The following ADGRL2 variants were observed in gnomAD, a reference collection of about 807,000 sequenced individuals.
ADGRL2 encodes the protein adhesion G protein-coupled receptor L2.
Under a neutral mutation model 157.4 loss-of-function variants are expected in ADGRL2, and 44 were observed. The observed-to-expected ratio is 0.28, with a 90% confidence interval of 0.22 to 0.36. The LOEUF (loss-of-function observed/expected upper bound fraction) is 0.36. Among genes scored for constraint, ADGRL2 ranks in the 10% least tolerant of loss-of-function variants. ADGRL2 has a pLI of 1.00. For synonymous variants in ADGRL2, 585 were observed against 624.7 expected, an observed-to-expected ratio of 0.94 and a Z score of 0.95; for missense variants, 1,510 against 1,768.9, an observed-to-expected ratio of 0.85 and a Z score of 2.63.
In ADGRL2 at chr1:81,809,924, T is replaced by G. The variant is rs189709582; in HGVS notation, c.-101+8856T>G. ...TGTGGACTGAGAAATGCTTGTACTA[T>G]CCACACTTTGCCTCCTTTTATAGGT... On this transcript the variant is annotated intron_variant, in intron 1 of 23. Coordinates refer to ENST00000686636, the MANE Select transcript of ADGRL2 (RefSeq NM_001366006.2). Among the ~76,000 whole-genome samples, 292 of 152,056 alleles carry G rather than the reference T, an allele frequency of 1.9e-3. 1 individual carries two copies. Among genetic ancestry groups the G allele is most frequent in the African/African-American group, 6.8e-3 (284 of 41,542 alleles).
chr1:81,461,777 G>T (rs2077933600), intron 2 of ADGRL2, among the ~76,000 whole-genome samples: 3 of 152,062 alleles, frequency 2.0e-5, no homozygotes, highest in Admixed American at 2.0e-4. Context: ...TGTAAAACAG[G>T]CCAAAAAGCA....
At chr1:81,428,545 C>G (rs997644748) in intron 1 of ADGRL2, among the ~76,000 whole-genome samples, 1 of 152,008 alleles carries the variant, frequency 6.6e-6, no homozygotes, top group East Asian at 1.9e-4. Context: ...AAACAAGGGT[C>G]AGATGGTTGA....
At chr1:81,578,297 G>A (rs990682930) in intron 2 of ADGRL2, among the ~76,000 whole-genome samples, 2 of 152,040 alleles carry the variant, frequency 1.3e-5, no homozygotes, top group Admixed American at 6.6e-5. Flanking sequence ...AATATTCACA[G>A]GGAATCTGTT....
chr1:81,987,110 A>G, intron 22 of ADGRL2, 81 bp downstream of exon 22: 4 of 1,489,328 alleles, frequency 2.7e-6, no homozygotes, highest in Non-Finnish European at 3.6e-6. Flanking sequence ...TAAAATATTC[A>G]AGTTGTCATA....
At chr1:81,585,438 G>A (rs1489779920) in intron 3 of ADGRL2, among the ~76,000 whole-genome samples, 3 of 152,120 alleles carry the variant, frequency 2.0e-5, no homozygotes, top group African/African-American at 7.2e-5. Context: ...TAAACAGGAA[G>A]GGTGGGGACA....
chr1:81,476,096 G>A (rs532651009), intron 2 of ADGRL2, among the ~76,000 whole-genome samples: 2 of 151,926 alleles, frequency 1.3e-5, no homozygotes, highest in Non-Finnish European at 2.9e-5. Context: ...GAAGAGAAAA[G>A]CCTTCACACT....
intron 1 of ADGRL2, among the ~76,000 whole-genome samples, chr1:81,809,478 G>C (rs1232623717): frequency 6.6e-6 from 1 of 151,870 alleles, no homozygotes; most frequent in Non-Finnish European, 1.5e-5. Context: ...GATGGGAGAA[G>C]TTGAAAAGAT....
intron 1 of ADGRL2, among the ~76,000 whole-genome samples, chr1:81,432,878 G>T (rs927674345): frequency 1.4e-4 from 22 of 152,160 alleles, no homozygotes; most frequent in African/African-American, 5.1e-4. Context: ...ACAATCATGG[G>T]CCGTTCTATG....
At chr1:81,813,460 T>C (rs2149704457) in intron 1 of ADGRL2, among the ~76,000 whole-genome samples, 1 of 151,806 alleles carries the variant, frequency 6.6e-6, no homozygotes, top group East Asian at 1.9e-4. Flanking sequence ...GTAAGGAAAC[T>C]TGTTTAATAA....
At chr1:81,467,594 T>G (rs1176700532) in intron 2 of ADGRL2, among the ~76,000 whole-genome samples, 2 of 152,182 alleles carry the variant, frequency 1.3e-5, no homozygotes, top group Admixed American at 1.3e-4. Flanking sequence ...ATGGACTTAA[T>G]AAACTCCATT....
rs187374332 is a variant in ADGRL2 at position 81,807,893 on chromosome 1, C to T, written c.-101+6825C>T. On this transcript the variant is annotated intron_variant, in intron 1 of 23. Transcript: ENST00000686636. ...TCATATATCTGCTGCACTAAGTAGGCAATAATTTGTAGATATTTTTTGATA... is the reference window on the plus strand; with the variant it reads ...TCATATATCTGCTGCACTAAGTAGGTAATAATTTGTAGATATTTTTTGATA... 4.0e-4 allele frequency among the ~76,000 whole-genome samples: 60 copies of T among 151,154 alleles called. 1 individual carries two copies. The highest frequency in any genetic ancestry group is 1.4e-3 in the African/African-American group (58 of 41,220).
chr1:81,322,107 T>TAC (rs1396422593), intron 1 of ADGRL2, among the ~76,000 whole-genome samples: 3,330 of 119,560 alleles, frequency 0.028, 57 homozygotes, highest in African/African-American at 0.036. Flanking sequence ...TATATATATA[T>TAC]ATACACATAT....
At chr1:81,519,084 G>A (rs1468724544) in intron 2 of ADGRL2, among the ~76,000 whole-genome samples, 1 of 152,172 alleles carries the variant, frequency 6.6e-6, no homozygotes, top group East Asian at 1.9e-4. Flanking sequence ...GAGTCACAGA[G>A]ATTATGCGTA....
chr1:81,314,687 C>CTTTTATCTCT (rs1659986315), intron 1 of ADGRL2, among the ~76,000 whole-genome samples: 1 of 152,110 alleles, frequency 6.6e-6, no homozygotes, highest in East Asian at 1.9e-4. Flanking sequence ...CATAAAGTTC[C>CTTTTATCTCT]TCTTTAATGA....
intron 2 of ADGRL2, among the ~76,000 whole-genome samples, chr1:81,518,060 A>G (rs1570358180): frequency 1.3e-5 from 2 of 152,248 alleles, no homozygotes; most frequent in East Asian, 3.9e-4. Context: ...TTAAAGAGAA[A>G]ATTAATTGAG....
At chr1:81,636,036 C>G (rs2082108440) in intron 3 of ADGRL2, among the ~76,000 whole-genome samples, 1 of 152,190 alleles carries the variant, frequency 6.6e-6, no homozygotes, top group African/African-American at 2.4e-5. Flanking sequence ...CAGACTGTCT[C>G]TCAGCTTCCT....
intron 2 of ADGRL2, among the ~76,000 whole-genome samples, chr1:81,509,486 C>T (rs979572039): frequency 6.6e-6 from 1 of 152,146 alleles, no homozygotes; most frequent in Admixed American, 6.5e-5. Context: ...ATGTGGAACA[C>T]GCAGCATTTT....
chr1:81,897,408 C>T (rs1459428977), intron 2 of ADGRL2, among the ~76,000 whole-genome samples: 1 of 151,592 alleles, frequency 6.6e-6, no homozygotes, highest in Non-Finnish European at 1.5e-5. Flanking sequence ...AATAGATGTG[C>T]TTATCAGGAA....
intron 1 of ADGRL2, among the ~76,000 whole-genome samples, chr1:81,363,574 A>C (rs2076014267): frequency 6.6e-6 from 1 of 152,116 alleles, no homozygotes; most frequent in Non-Finnish European, 1.5e-5. Context: ...TAATTTGTCA[A>C]ATAAATGACA....
Sources: allele counts gnomAD v4.1 joint callset (sites outside exome capture counted in the v4.1 genomes callset), GRCh38; gene constraint gnomAD v4.1.1; transcripts MANE v1.5; gene names NCBI Gene and HGNC (gene_info 2026-07-23, HGNC 2026-07-21).